COL19A1: variants seen among roughly 807,000 people sequenced by gnomAD.
COL19A1 encodes collagen alpha-1(XIX) chain.
In COL19A1, 159 loss-of-function variants were observed where a neutral mutation model predicts 190.2. The ratio of observed to expected loss-of-function variants is 0.84; its 90% CI spans 0.73 to 0.95. COL19A1 has a LOEUF of 0.95. Among genes scored for constraint, COL19A1 ranks in the 40% least tolerant of loss-of-function variants. COL19A1 has a pLI of 0.00. For missense variants in COL19A1, 1,418 were observed against 1,431.9 expected, an observed-to-expected ratio of 0.99 and a Z score of 0.16; for synonymous variants, 509 against 458.9, an observed-to-expected ratio of 1.11 and a Z score of -1.39.
Position 70,156,833 on chromosome 6 carries a change from TA to T in COL19A1, c.2292+115del. On this transcript the variant is annotated intron_variant, in intron 34 of 50. Transcript: ENST00000620364. ...AGCTCAGATCTGATGCTATAACCAA[TA>T]AAAACAAAGACCACTTAGAGCTTTT... The T allele has an allele frequency of 4.2e-6, 3 of 707,226 alleles. No individual in the cohort carries two copies. The South Asian group carries it at 9.2e-5, about 22-fold the overall frequency. 43.8% of individuals were successfully genotyped at this position (707,226 alleles called of 1,614,324 possible). A position where few individuals can be genotyped will look rare whatever the true frequency, so the allele number is the denominator to read the frequency against.
At chr6:69,900,458 C>T (rs1290166945) in intron 4 of COL19A1, 120 bp downstream of exon 4, 2 of 491,238 alleles carry the variant, frequency 4.1e-6, no homozygotes, top group Non-Finnish European at 7.1e-6. Flanking sequence ...CACTGGAATG[C>T]AGTGGTAAAC....
chr6:70,205,468 T>A (rs1348985903), intron 49 of COL19A1, among the ~76,000 whole-genome samples: 2 of 152,218 alleles, frequency 1.3e-5, no homozygotes, highest in African/African-American at 4.8e-5. Context: ...AAGGCACAAC[T>A]AAATCACAGC....
Position 70,190,398 on chromosome 6 carries a change from A to G in COL19A1, c.3094+17A>G. ...TTTTTGAAGGTTAGATTTTCTTAAT[A>G]ACATTTTCGAATTTTTCACTGATTC... On this transcript the variant is annotated intron_variant, in intron 48 of 50. Transcript: ENST00000620364. 2 of 1,549,556 alleles carry G rather than the reference A, an allele frequency of 1.3e-6. No homozygotes were observed. Among genetic ancestry groups the G allele is most frequent in the Non-Finnish European group, 1.8e-6 (2 of 1,125,618 alleles).
At chr6:69,903,150 C>T (rs535290698) in intron 4 of COL19A1, among the ~76,000 whole-genome samples, 9 of 152,342 alleles carry the variant, frequency 5.9e-5, no homozygotes, top group Admixed American at 1.3e-4. Context: ...TCACTATCTA[C>T]ACTGCCTTGA....
chr6:70,017,655 A>G (rs1467844930), intron 11 of COL19A1, among the ~76,000 whole-genome samples: 2 of 152,166 alleles, frequency 1.3e-5, no homozygotes, highest in South Asian at 2.1e-4. Flanking sequence ...ATCCCTGTGG[A>G]GCAGCAACAC....
At chr6:70,101,682 G>A (rs1156653611) in intron 15 of COL19A1, among the ~76,000 whole-genome samples, 3 of 152,018 alleles carry the variant, frequency 2.0e-5, no homozygotes, top group East Asian at 1.9e-4. Flanking sequence ...TCGTGGCTCC[G>A]ACCCCCGGGA....
At position 70,145,001 on chromosome 6, in the gene COL19A1, G is replaced by T. The variant is rs1409097833; in HGVS notation, c.1764G>T (p.Gly588=). 1 of 1,583,886 alleles carries T rather than the reference G, an allele frequency of 6.3e-7. No individual in the cohort carries two copies. ...EAGPPGKSLP[G]EPGLDGNPGA... is the part of the protein sequence containing the mutation. ...GTCCTCCAGGGAAAAGCCTGCCAGG[G>T]GAACCAGTAAGTATTAGCCCTTTTG... The change falls in exon 25 of 51, where the codon GGG becomes GGT. Residue 588 remains glycine (G), a synonymous_variant. Coordinates refer to ENST00000620364, the MANE Select transcript of COL19A1 (RefSeq NM_001858.6).
chr6:70,092,347 A>C (rs1182334527), intron 15 of COL19A1, among the ~76,000 whole-genome samples: 1 of 152,112 alleles, frequency 6.6e-6, no homozygotes, highest in Non-Finnish European at 1.5e-5. Flanking sequence ...CTATAACCAA[A>C]TGAACAAGTC....
chr6:69,872,860 T>A (rs1457762911), intron 1 of COL19A1, among the ~76,000 whole-genome samples: 1 of 152,224 alleles, frequency 6.6e-6, no homozygotes, highest in African/African-American at 2.4e-5. Context: ...ACTGGGGAAC[T>A]CTGGGGTCTG....
At chr6:70,088,665 A>AT (rs199849552) in intron 15 of COL19A1, among the ~76,000 whole-genome samples, 2,378 of 152,174 alleles carry the variant, frequency 0.016, 68 homozygotes, top group African/African-American at 0.052. Flanking sequence ...AAATAGCCTT[A>AT]TTTTTTTGTG....
At chr6:69,907,110 T>A (rs35534798) in intron 4 of COL19A1, among the ~76,000 whole-genome samples, 45,212 of 101,532 alleles carry the variant, frequency 0.45, 7,837 homozygotes, top group Non-Finnish European at 0.49. Context: ...TATTATTATT[T>A]TTTTTTTTTT....
At chr6:70,060,268 G>C (rs867535221) in intron 14 of COL19A1, among the ~76,000 whole-genome samples, 12 of 152,280 alleles carry the variant, frequency 7.9e-5, no homozygotes, top group South Asian at 2.1e-4. Context: ...CCAACACTCA[G>C]TATTGTTCTA....
chr6:69,936,985 T>G, intron 8 of COL19A1, 75 bp downstream of exon 8: 1 of 1,555,598 alleles, frequency 6.4e-7, no homozygotes, highest in Middle Eastern at 1.7e-4. Context: ...GTGGCCTCTG[T>G]TCACAGAATG....
At chr6:69,867,356 G>GCGCCGC in intron 1 of COL19A1, 1 of 154,292 alleles carries the variant, frequency 6.5e-6, no homozygotes, top group East Asian at 1.9e-4. Context: ...GTCGGCCACA[G>GCGCCGC]CGCCGCCGCC....
intron 16 of COL19A1, among the ~76,000 whole-genome samples, chr6:70,103,878 A>G (rs916878947): frequency 6.6e-6 from 1 of 152,192 alleles, no homozygotes; most frequent in Non-Finnish European, 1.5e-5. Flanking sequence ...TCTCTAGCCT[A>G]TAGCATGTGA....
At chr6:69,950,033 G>A (rs1406740201) in intron 9 of COL19A1, among the ~76,000 whole-genome samples, 1 of 151,690 alleles carries the variant, frequency 6.6e-6, no homozygotes, top group Non-Finnish European at 1.5e-5. Flanking sequence ...GTATTAATTT[G>A]TACATTAACT....
intron 49 of COL19A1, among the ~76,000 whole-genome samples, chr6:70,200,642 A>G (rs1425474878): frequency 6.6e-6 from 1 of 152,228 alleles, no homozygotes; most frequent in Non-Finnish European, 1.5e-5. Context: ...AATAATATAT[A>G]TGCAAAGAAG....
chr6:70,029,966 A>G (rs116270156), intron 12 of COL19A1, among the ~76,000 whole-genome samples: 59 of 152,286 alleles, frequency 3.9e-4, no homozygotes, highest in African/African-American at 1.4e-3. Flanking sequence ...ACTATTACTT[A>G]TTATACCTAT....
At chr6:69,898,857 A>T in intron 2 of COL19A1, 91 bp from the exon 3 acceptor site, 1 of 769,352 alleles carries the variant, frequency 1.3e-6, no homozygotes, top group Non-Finnish European at 2.2e-6. Context: ...GGTTTAATTT[A>T]TTTCCATTTT....
Sources: allele counts gnomAD v4.1 joint callset (sites outside exome capture counted in the v4.1 genomes callset), GRCh38; gene constraint gnomAD v4.1.1; transcripts MANE v1.5; gene names NCBI Gene and HGNC (gene_info 2026-07-23, HGNC 2026-07-21).